The following C16orf96 variants were observed in gnomAD, a reference collection of about 807,000 sequenced individuals.
C16orf96 encodes the protein uncharacterized protein C16orf96.
C16orf96 carries 108 observed loss-of-function variants against 103.6 expected under a neutral mutation model. The ratio of observed to expected loss-of-function variants is 1.04; its 90% CI spans 0.89 to 1.22. C16orf96 has a LOEUF of 1.22. Among genes scored for constraint, C16orf96 ranks in the 50% most tolerant of loss-of-function variants. The pLI, the probability that C16orf96 is intolerant of heterozygous loss-of-function variation, is 0.00. For synonymous variants in C16orf96, 566 were observed against 593.5 expected (o/e 0.95, Z 0.67); for missense variants, 1,586 against 1,464.2 (o/e 1.08, Z -1.36).
chr16:4,599,668 A>C (rs1897244764), intron 15 of C16orf96, among the ~76,000 whole-genome samples: 1 of 152,236 alleles, frequency 6.6e-6, no homozygotes. Flanking sequence ...ACCTGAGGGT[A>C]CTTTACAGTT....
At chr16:4,587,773 A>G (rs1375474684) in intron 8 of C16orf96, among the ~76,000 whole-genome samples, 1 of 151,970 alleles carries the variant, frequency 6.6e-6, no homozygotes, top group African/African-American at 2.4e-5. Context: ...CATCTCTACA[A>G]AAAAATAAAA....
the C16orf96 span, among the ~76,000 whole-genome samples, chr16:4,542,232 G>A: frequency 2.6e-5 from 4 of 152,162 alleles, no homozygotes; most frequent in Non-Finnish European, 5.9e-5. Flanking sequence ...AGCTGTGGTG[G>A]CTCATGCCCA....
chr16:4,552,412 A>G (rs184157920), upstream of C16orf96, among the ~76,000 whole-genome samples: 144 of 144,214 alleles, frequency 1.0e-3, no homozygotes, highest in Middle Eastern at 7.1e-3. Flanking sequence ...AACCCAGGAG[A>G]TGGAGGTTGC....
chr16:4,539,780 C>T, the C16orf96 span, among the ~76,000 whole-genome samples: 11 of 152,112 alleles, frequency 7.2e-5, no homozygotes, highest in Non-Finnish European at 2.9e-5. Flanking sequence ...GGTATAATAT[C>T]ACTATTGTAA....
At position 4,557,405 on chromosome 16, in the gene C16orf96, C is replaced by T. The variant is rs555444296; in HGVS notation, c.420+496C>T. On this transcript the variant is annotated intron_variant, in intron 1 of 15. Coordinates refer to ENST00000444310, the MANE Select transcript of C16orf96 (RefSeq NM_001145011.2). ...CCTCCATCAAGTATTGCAAAGAAGCCAGACACAAAAGGCTACCCAGTGTAT... is the reference window on the plus strand; with the variant it reads ...CCTCCATCAAGTATTGCAAAGAAGCTAGACACAAAAGGCTACCCAGTGTAT... Among the ~76,000 whole-genome samples, 16 of 152,230 alleles carry T rather than the reference C, an allele frequency of 1.1e-4. No individual in the cohort carries two copies. The East Asian group carries it at 2.7e-3, about 26-fold the overall frequency.
At chr16:4,546,885 C>T in the C16orf96 span, among the ~76,000 whole-genome samples, 1 of 152,190 alleles carries the variant, frequency 6.6e-6, no homozygotes, top group Non-Finnish European at 1.5e-5. Flanking sequence ...AAGCACTGAT[C>T]CGTGCTACAA....
chr16:4,581,246 A>G (rs1203393816), intron 7 of C16orf96, among the ~76,000 whole-genome samples: 3 of 146,580 alleles, frequency 2.0e-5, no homozygotes, highest in African/African-American at 5.0e-5. Context: ...GAGGCAGGAG[A>G]ATCGCTTGAA....
chr16:4,579,398 A>T (rs775151636), intron 6 of C16orf96, among the ~76,000 whole-genome samples: 14 of 152,022 alleles, frequency 9.2e-5, no homozygotes, highest in Non-Finnish European at 1.8e-4. Flanking sequence ...GCAAAAAAAT[A>T]CAAAAATTAT....
Position 4,593,353 on chromosome 16 carries a change from G to C in C16orf96, c.2867+37G>C. 1 of 1,523,776 alleles carries C rather than the reference G, an allele frequency of 6.6e-7. No homozygotes were observed. The highest frequency in any genetic ancestry group is 8.9e-7 in the Non-Finnish European group (1 of 1,125,700). 94.4% of individuals were successfully genotyped at this position (1,523,776 alleles called of 1,614,324 possible). On this transcript the variant is annotated intron_variant, in intron 12 of 15. Transcript: ENST00000444310. This position sits in a 1 kb window ranked among gnomAD's most constrained non-coding sequence, Gnocchi z 4.2. The stretch of plus-strand genomic sequence containing the variant: ...GGGCGCCCCGCAGGGAGGCCGCCCC[G>C]CATGGAGGCCACTCTGGAGCCTGGG...
In C16orf96 at chr16:4,580,092, G is replaced by A. The variant is rs534669160; in HGVS notation, c.2319G>A (p.Val773=). ...KDRYITLDKA[V]ENLQIRMDEF... ...GCTACATCACTTTGGACAAGGCGGT[G>A]GAGAACCTGCAGATTCGCATGGATG... Residue 773 remains valine, a synonymous_variant, in exon 7 of 16, where the codon GTG becomes GTA. Coordinates refer to ENST00000444310, the MANE Select transcript of C16orf96 (RefSeq NM_001145011.2). 6.5e-7 allele frequency: 1 copy of A among 1,543,578 alleles called. No individual in the cohort carries two copies. Among genetic ancestry groups the A allele is most frequent in the African/African-American group, 1.4e-5 (1 of 72,734 alleles).
At position 4,588,275 on chromosome 16, in the gene C16orf96, C is replaced by G. The variant is rs1192543995; in HGVS notation, c.2536C>G (p.His846Asp). 1.3e-6 allele frequency: 2 copies of G among 1,551,574 alleles called. No individual in the cohort carries two copies. Among genetic ancestry groups the G allele is most frequent in the Non-Finnish European group, 1.7e-6 (2 of 1,147,000 alleles). Residue 846 changes from histidine (H) to aspartate (D), a missense_variant, in exon 9 of 16, where the codon CAT (histidine) becomes GAT (aspartate). Physicochemically the swap from His to Asp is moderately conservative, Grantham distance 81. Coordinates refer to ENST00000444310, the MANE Select transcript of C16orf96 (RefSeq NM_001145011.2). The stretch of plus-strand genomic sequence containing the variant: ...GGGCATACTCTTCAAGGTCACGATC[C>G]ATGAGGACAGCTGGAAGAAGGCTAT... ...IQGILFKVTI[H>D]EDSWKKAMEE...
chr16:4,550,897 G>T, the C16orf96 span, among the ~76,000 whole-genome samples: 2 of 152,326 alleles, frequency 1.3e-5, no homozygotes, highest in East Asian at 3.9e-4. Flanking sequence ...CTGGAGCTGA[G>T]CCAGCAAAAC....
At chr16:4,595,480 G>A (rs936312197) in intron 14 of C16orf96, among the ~76,000 whole-genome samples, 1 of 152,342 alleles carries the variant, frequency 6.6e-6, no homozygotes, top group African/African-American at 2.4e-5. Flanking sequence ...GCCGGCTCCT[G>A]CTGGGACCCC....
At chr16:4,545,205 C>T in the C16orf96 span, among the ~76,000 whole-genome samples, 63 of 152,190 alleles carry the variant, frequency 4.1e-4, no homozygotes, top group African/African-American at 1.2e-3. Flanking sequence ...TCTGTCTTTG[C>T]GTCACTCAGT....
rs1018142069 is a variant in C16orf96 at position 4,574,211 on chromosome 16, T to TTTTA, written c.526-481_526-478dup. On this transcript the variant is annotated intron_variant, in intron 2 of 15. Transcript: ENST00000444310. ...CCGTACAGAAACCTGTTGAAATGTT[T>TTTTA]TTTATTTATTTATTTATTTACTTAT... 1.6e-4 allele frequency among the ~76,000 whole-genome samples: 24 copies of TTTTA among 151,476 alleles called. 1 individual carries two copies. The highest frequency in any genetic ancestry group is 4.2e-4 in the South Asian group (2 of 4,792).
upstream of C16orf96, among the ~76,000 whole-genome samples, chr16:4,555,921 A>T (rs1282229308): frequency 2.7e-5 from 4 of 148,342 alleles, no homozygotes; most frequent in South Asian, 6.5e-4. Context: ...CTGCTCTCGA[A>T]CTCCTGGCTT....
intron 1 of C16orf96, among the ~76,000 whole-genome samples, chr16:4,566,465 C>T (rs555630663): frequency 6.6e-6 from 1 of 152,206 alleles, no homozygotes; most frequent in East Asian, 1.9e-4. Flanking sequence ...TGCTTATTGG[C>T]CATTTACACA....
chr16:4,580,922 C>A (rs1015337398), intron 7 of C16orf96, among the ~76,000 whole-genome samples: 1 of 150,740 alleles, frequency 6.6e-6, no homozygotes, highest in Non-Finnish European at 1.5e-5. Flanking sequence ...ATCGGGAGTT[C>A]GAGACCAGCC....
intron 1 of C16orf96, 72 bp downstream of exon 1, chr16:4,556,981 T>G (rs2059271855): frequency 2.1e-6 from 3 of 1,434,856 alleles, no homozygotes; most frequent in Non-Finnish European, 2.8e-6. Flanking sequence ...GTCTTTTTTT[T>G]GTTTTTGAGA....
Sources: gnomAD v4.1 joint callset for allele counts (sites outside exome capture counted in the v4.1 genomes callset) on GRCh38, gnomAD v4.1.1 for gene constraint, Gnocchi (gnomAD v3.1) non-coding constraint, MANE v1.5 for transcripts, NCBI Gene and HGNC (gene_info 2026-07-23, HGNC 2026-07-21) for gene names.